TMPRSS2: variants seen among roughly 807,000 people sequenced by gnomAD.
The protein encoded by TMPRSS2 is transmembrane serine protease 2, also known as transmembrane protease serine 2.
TMPRSS2 carries 59 observed loss-of-function variants against 67.4 expected under a neutral mutation model. That is an observed-to-expected ratio of 0.88 (90% confidence interval 0.71 to 1.09). The LOEUF is 1.09. TMPRSS2 is among the 50% of genes least tolerant of loss of function. The pLI, the probability that TMPRSS2 is intolerant of heterozygous loss-of-function variation, is 0.00. For missense variants in TMPRSS2, 668 were observed against 642.7 expected (o/e 1.04, Z -0.43); for synonymous variants, 257 against 257.0 (o/e 1.00, Z 0.00).
At chr21:41,496,490 G>A (rs1292431160) in intron 2 of TMPRSS2, among the ~76,000 whole-genome samples, 4 of 152,148 alleles carry the variant, frequency 2.6e-5, no homozygotes, top group Non-Finnish European at 5.9e-5. Flanking sequence ...GAAATTTCTG[G>A]GTCAGAGTGT....
rs1172195863 is a variant in TMPRSS2 at position 41,465,671 on chromosome 21, A to T, written c.*471T>A. ...TAAGGCTCTAAGAACCCATCAGCAA[A>T]ATCCCCTTGTGGAGAGGTAGGCTGG... On this transcript the variant is annotated 3_prime_UTR_variant, in exon 14 of 14. Transcript: ENST00000332149. 1 of 245,134 alleles carries T rather than the reference A, an allele frequency of 4.1e-6. No homozygotes were observed. The highest frequency in any genetic ancestry group is 7.9e-6 in the Non-Finnish European group (1 of 126,386). 15.2% of individuals were successfully genotyped at this position (245,134 alleles called of 1,614,324 possible).
At position 41,473,307 on chromosome 21, in the gene TMPRSS2, G is replaced by T; in HGVS notation, c.899+18C>A. The T allele has an allele frequency of 6.4e-7, 1 of 1,566,736 alleles. No individual in the cohort carries two copies. Among genetic ancestry groups the T allele is most frequent in the Non-Finnish European group, 8.7e-7 (1 of 1,152,994 alleles). On this transcript the variant is annotated intron_variant, in intron 9 of 13. Transcript: ENST00000332149. Reference sequence around the variant, plus strand: ...CCAGCCCTGAGCCCCCACCCGGCCCGCGCCGCCCCTGGCATACTTTTCCAC... The same window carrying T: ...CCAGCCCTGAGCCCCCACCCGGCCCTCGCCGCCCCTGGCATACTTTTCCAC...
intron 5 of TMPRSS2, among the ~76,000 whole-genome samples, chr21:41,482,930 T>TCC (rs2091267287): frequency 6.6e-6 from 1 of 152,160 alleles, no homozygotes; most frequent in Non-Finnish European, 1.5e-5. Context: ...ACTAAGAAGA[T>TCC]CAGATAGCTG....
At chr21:41,498,081 C>G (rs760737689) in intron 2 of TMPRSS2, 38 bp downstream of exon 2, 2 of 1,484,828 alleles carry the variant, frequency 1.3e-6, no homozygotes, top group South Asian at 2.3e-5. Flanking sequence ...GACAAGGGAA[C>G]AAAGAAAAGG....
intron 8 of TMPRSS2, among the ~76,000 whole-genome samples, chr21:41,475,529 GGTGAAGGGTGAGT>G (rs2091200845): frequency 3.4e-5 from 1 of 29,304 alleles, no homozygotes; most frequent in Non-Finnish European, 6.9e-5. Flanking sequence ...TGAGTGAGGG[GGTGAAGGGTGAGT>G]GAGGGGGTGA....
intron 1 of TMPRSS2, among the ~76,000 whole-genome samples, chr21:41,499,569 T>C (rs1292424780): frequency 6.6e-6 from 1 of 152,190 alleles, no homozygotes; most frequent in East Asian, 1.9e-4. Flanking sequence ...GAATCCTGTT[T>C]GGTTGGTTTA....
chr21:41,486,385 C>G (rs1302264109), intron 5 of TMPRSS2: 2 of 152,282 alleles, frequency 1.3e-5, no homozygotes, highest in Non-Finnish European at 2.9e-5. Context: ...CTGCAACCCC[C>G]TCCTCCCAGG....
chr21:41,471,215 G>T (rs1168307659), intron 10 of TMPRSS2, among the ~76,000 whole-genome samples: 1 of 152,260 alleles, frequency 6.6e-6, no homozygotes, highest in Admixed American at 6.5e-5. Context: ...CATGGGGCTA[G>T]AACATTCCAG....
intron 13 of TMPRSS2, among the ~76,000 whole-genome samples, chr21:41,466,855 A>AGAAGATCT (rs1342552156): frequency 6.6e-6 from 1 of 152,190 alleles, no homozygotes; most frequent in Non-Finnish European, 1.5e-5. Flanking sequence ...CCTGGAGATG[A>AGAAGATCT]GAAGATCTGG....
At chr21:41,488,589 G>A (rs2091314322) in intron 4 of TMPRSS2, 76 bp from the exon 5 acceptor site, 2 of 1,501,146 alleles carry the variant, frequency 1.3e-6, no homozygotes, top group South Asian at 2.4e-5. Flanking sequence ...GGAACACCGT[G>A]GCATTACTGT....
chr21:41,506,460 G>A (rs1335555701), intron 1 of TMPRSS2: 6 of 152,372 alleles, frequency 3.9e-5, no homozygotes, highest in Non-Finnish European at 7.3e-5. Context: ...CAGTAGTTCT[G>A]TAGCGGAGCA....
chr21:41,489,785 A>G (rs1045758051), intron 3 of TMPRSS2, among the ~76,000 whole-genome samples, 192 bp from the exon 4 acceptor site: 2 of 152,224 alleles, frequency 1.3e-5, no homozygotes, highest in African/African-American at 2.4e-5. Context: ...ACCTTATGCA[A>G]TTTGGAGACC....
At chr21:41,472,046 C>A (rs2091138230) in intron 9 of TMPRSS2, 65 bp from the exon 10 acceptor site, 1 of 1,446,200 alleles carries the variant, frequency 6.9e-7, no homozygotes, top group Non-Finnish European at 9.2e-7. Flanking sequence ...GGATGAACTT[C>A]CAACGTCAGA....
chr21:41,467,693 G>A (rs1363578889), intron 13 of TMPRSS2, 41 bp downstream of exon 13: 2 of 1,606,194 alleles, frequency 1.2e-6, no homozygotes, highest in South Asian at 2.2e-5. Flanking sequence ...TTTGGCTCGA[G>A]GAATCGGAGA....
chr21:41,472,485 C>T (rs2091142833), intron 9 of TMPRSS2, among the ~76,000 whole-genome samples: 1 of 151,902 alleles, frequency 6.6e-6, no homozygotes, highest in Non-Finnish European at 1.5e-5. Flanking sequence ...GAAGGGAGCA[C>T]CCTTGGGTAA....
In TMPRSS2 at chr21:41,494,228, G is replaced by A. The variant is rs572410855; in HGVS notation, c.238+128C>T. The A allele has an allele frequency of 2.4e-5, 24 of 1,005,886 alleles. 1 individual carries two copies. The highest frequency in any genetic ancestry group is 8.3e-5 in the Admixed American group (3 of 36,070). 62.3% of individuals were successfully genotyped at this position (1,005,886 alleles called of 1,614,324 possible). Reference sequence around the variant, plus strand: ...AAAGGCATGAAGACAGGCTGGCTCCGGAAGACGGAGGAGAAGGGTCAGACC... The same window carrying A: ...AAAGGCATGAAGACAGGCTGGCTCCAGAAGACGGAGGAGAAGGGTCAGACC... On this transcript the variant is annotated intron_variant, in intron 3 of 13. Transcript: ENST00000332149.
intron 9 of TMPRSS2, among the ~76,000 whole-genome samples, chr21:41,472,735 T>C (rs943041891): frequency 6.6e-6 from 1 of 152,142 alleles, no homozygotes; most frequent in Non-Finnish European, 1.5e-5. Context: ...CAGTTCAGCC[T>C]CTCTCTAAGG....
chr21:41,501,974 G>C (rs1031224890), intron 1 of TMPRSS2, among the ~76,000 whole-genome samples: 4 of 152,216 alleles, frequency 2.6e-5, no homozygotes, highest in Admixed American at 2.0e-4. Context: ...GTGTGAAAGA[G>C]CAACAGTGGG....
At chr21:41,472,373 C>T (rs2091141515) in intron 9 of TMPRSS2, among the ~76,000 whole-genome samples, 1 of 152,192 alleles carries the variant, frequency 6.6e-6, no homozygotes, top group Non-Finnish European at 1.5e-5. Flanking sequence ...ACAGACTTGT[C>T]CGATATCAAT....
Sources: allele counts gnomAD v4.1 joint callset (sites outside exome capture counted in the v4.1 genomes callset), GRCh38; gene constraint gnomAD v4.1.1; transcripts MANE v1.5; gene names NCBI Gene and HGNC (gene_info 2026-07-23, HGNC 2026-07-21).